DIS3L2: variants seen among roughly 807,000 people sequenced by gnomAD.
DIS3L2 encodes DIS3-like exonuclease 2.
DIS3L2 carries 34 observed loss-of-function variants against 97.5 expected under a neutral mutation model. The observed-to-expected ratio is 0.35, with a 90% CI of 0.27 to 0.46. The LOEUF (loss-of-function observed/expected upper bound fraction) is 0.46, where lower values mean the gene tolerates loss of function less well. Among genes scored for constraint, DIS3L2 ranks in the 20% least tolerant of loss-of-function variants. The probability of loss-of-function intolerance (pLI) is 1.00; values close to 1 mark genes in which losing one functional copy is unlikely to be tolerated. For missense variants in DIS3L2, 1,038 were observed against 1,146.0 expected (o/e 0.91, Z 1.36); for synonymous variants, 435 against 445.2 (o/e 0.98, Z 0.29).
chr2:231,977,056 C>T (rs778829099), intron 1 of DIS3L2, among the ~76,000 whole-genome samples: 7 of 152,170 alleles, frequency 4.6e-5, no homozygotes, highest in Non-Finnish European at 2.9e-5. Flanking sequence ...TGAGCCACCG[C>T]GCCCGGCCAC....
intron 14 of DIS3L2, among the ~76,000 whole-genome samples, chr2:232,301,002 T>G (rs1052157143): frequency 1.3e-5 from 2 of 152,004 alleles, no homozygotes; most frequent in Non-Finnish European, 1.5e-5. Flanking sequence ...ACAGTGAAAG[T>G]GGTGGTGAAT....
chr2:232,009,934 A>G (rs547165317), intron 1 of DIS3L2, among the ~76,000 whole-genome samples: 3 of 152,162 alleles, frequency 2.0e-5, no homozygotes, highest in African/African-American at 7.2e-5. Context: ...GACAACACCT[A>G]TGGGCATGGA....
intron 6 of DIS3L2, among the ~76,000 whole-genome samples, chr2:232,112,132 T>G (rs1697553620): frequency 6.6e-6 from 1 of 152,196 alleles, no homozygotes; most frequent in Non-Finnish European, 1.5e-5. Context: ...GGCATTGTCA[T>G]GAACAAATTT....
downstream of DIS3L2, among the ~76,000 whole-genome samples, chr2:232,340,190 AGAG>A (rs1285185622): frequency 2.6e-5 from 4 of 152,334 alleles, no homozygotes; most frequent in African/African-American, 9.6e-5. Flanking sequence ...AGGTGAGAGC[AGAG>A]GAGCAAACAG....
intron 5 of DIS3L2, among the ~76,000 whole-genome samples, chr2:232,051,946 G>A (rs977080302): frequency 6.6e-6 from 1 of 151,524 alleles, no homozygotes; most frequent in Non-Finnish European, 1.5e-5. Context: ...TAAAAGATTG[G>A]ATATATTGTT....
At chr2:232,335,736 C>A in intron 19 of DIS3L2, 37 bp from the exon 20 acceptor site, 1 of 1,545,016 alleles carries the variant, frequency 6.5e-7, no homozygotes. Flanking sequence ...CAGCAGCATC[C>A]AGAGCTGAGG....
At chr2:232,313,766 G>A (rs1306826684) in intron 14 of DIS3L2, among the ~76,000 whole-genome samples, 1 of 152,156 alleles carries the variant, frequency 6.6e-6, no homozygotes, top group Non-Finnish European at 1.5e-5. Flanking sequence ...GAGGTTTGTT[G>A]GACTTACAGT....
At chr2:232,075,709 C>A (rs1696167397) in intron 5 of DIS3L2, among the ~76,000 whole-genome samples, 1 of 152,166 alleles carries the variant, frequency 6.6e-6, no homozygotes, top group South Asian at 2.1e-4. Context: ...TTTTCTGTTT[C>A]TATTGTCTGA....
intron 14 of DIS3L2, among the ~76,000 whole-genome samples, chr2:232,305,476 C>A (rs756966946): frequency 8.5e-5 from 13 of 152,138 alleles, no homozygotes; most frequent in Non-Finnish European, 1.3e-4. Flanking sequence ...TCCTAGTCTT[C>A]TGTTATGATT....
chr2:232,077,955 C>CTCTT (rs538146324), intron 5 of DIS3L2, among the ~76,000 whole-genome samples: 9,104 of 108,568 alleles, frequency 0.084, 493 homozygotes, highest in Middle Eastern at 0.11. Flanking sequence ...TTCTTTCTTT[C>CTCTT]TCTTTCTTTC....
At chr2:232,299,294 C>A (rs1032380705) in intron 13 of DIS3L2, among the ~76,000 whole-genome samples, 3 of 152,240 alleles carry the variant, frequency 2.0e-5, no homozygotes, top group Non-Finnish European at 4.4e-5. Flanking sequence ...GCAGTCTGCA[C>A]TGTAGCCAGA....
At chr2:232,175,124 A>T (rs1047996178) in intron 9 of DIS3L2, among the ~76,000 whole-genome samples, 1 of 152,108 alleles carries the variant, frequency 6.6e-6, no homozygotes, top group Admixed American at 6.6e-5. Context: ...CTAAGCACTC[A>T]GCCCAGTCTT....
At chr2:232,227,730 C>T (rs902464470) in intron 10 of DIS3L2, among the ~76,000 whole-genome samples, 4 of 151,896 alleles carry the variant, frequency 2.6e-5, no homozygotes, top group East Asian at 1.9e-4. Flanking sequence ...TTTTTGTCAC[C>T]GGAATATAAA....
At chr2:232,193,277 A>G (rs1691665887) in intron 9 of DIS3L2, among the ~76,000 whole-genome samples, 2 of 152,270 alleles carry the variant, frequency 1.3e-5, no homozygotes. Context: ...CTGCTATCAC[A>G]GGAGTGAAAT....
At chr2:232,086,191 G>A (rs1302491109) in intron 5 of DIS3L2, among the ~76,000 whole-genome samples, 3 of 146,304 alleles carry the variant, frequency 2.1e-5, no homozygotes, top group African/African-American at 5.4e-5. Flanking sequence ...ATATACACAC[G>A]TATAGACGTG....
At chr2:231,961,920 C>T (rs994691448) in intron 1 of DIS3L2, among the ~76,000 whole-genome samples, 155 bp downstream of exon 1, 18 of 152,242 alleles carry the variant, frequency 1.2e-4, no homozygotes, top group Admixed American at 1.0e-3. Context: ...TGGCGTTGCT[C>T]CCCGGCCCAC....
chr2:232,330,606 T>G, intron 15 of DIS3L2, 84 bp from the exon 16 acceptor site: 2,107 of 1,386,612 alleles, frequency 1.5e-3, no homozygotes, highest in Non-Finnish European at 2.0e-3. Context: ...GAGCCGGGCA[T>G]GAGGTGCTCA....
At chr2:232,047,189 C>G (rs1695266117) in intron 5 of DIS3L2, among the ~76,000 whole-genome samples, 2 of 152,174 alleles carry the variant, frequency 1.3e-5, no homozygotes, top group South Asian at 4.1e-4. Flanking sequence ...GTTTTTGTAT[C>G]TTGAAACACT....
chr2:232,336,023 C>G, intron 20 of DIS3L2, 149 bp downstream of exon 20: 2 of 1,522,650 alleles, frequency 1.3e-6, no homozygotes, highest in Non-Finnish European at 1.8e-6. Flanking sequence ...CCAGCTCACC[C>G]AGACCCCCTC....
Sources: gnomAD v4.1 joint callset for allele counts (sites outside exome capture counted in the v4.1 genomes callset) on GRCh38, gnomAD v4.1.1 for gene constraint, MANE v1.5 for transcripts, NCBI Gene and HGNC (gene_info 2026-07-23, HGNC 2026-07-21) for gene names.